The following USP42 variants were observed in gnomAD, a reference collection of about 807,000 sequenced individuals.
USP42 encodes the protein ubiquitin carboxyl-terminal hydrolase 42.
A neutral mutation model predicts 113.0 loss-of-function variants in USP42; 23 were observed. The ratio of observed to expected loss-of-function variants is 0.20; its 90% CI spans 0.15 to 0.29. The LOEUF (loss-of-function observed/expected upper bound fraction) is 0.29, where lower values mean the gene tolerates loss of function less well. Ranked by LOEUF, USP42 falls within the 10% of genes least tolerant of loss-of-function variation. USP42 has a pLI of 1.00. For missense variants in USP42, 2,174 were observed against 1,779.8 expected (o/e 1.22, Z -3.99); for synonymous variants, 933 against 699.0 (o/e 1.33, Z -5.28).
chr7:6,102,952 CAG>C (rs939256513), upstream of USP42, among the ~76,000 whole-genome samples: 1 of 150,904 alleles, frequency 6.6e-6, no homozygotes, highest in African/African-American at 2.5e-5. Flanking sequence ...AAGGCTGACT[CAG>C]GGAGGGTCAG....
intron 4 of USP42, among the ~76,000 whole-genome samples, chr7:6,138,025 A>G (rs1223972288): frequency 1.3e-5 from 2 of 152,168 alleles, no homozygotes; most frequent in African/African-American, 2.4e-5. Flanking sequence ...CATGACTAAC[A>G]TTTTTAAACC....
upstream of USP42, among the ~76,000 whole-genome samples, chr7:6,104,072 G>GTTTCT (rs753533046): frequency 1.6e-4 from 24 of 151,434 alleles, 1 homozygote; most frequent in Admixed American, 1.2e-3. Flanking sequence ...TACAGACCCT[G>GTTTCT]TTTCTTTTCT....
intron 6 of USP42, 62 bp downstream of exon 6, chr7:6,140,257 T>G: frequency 6.9e-7 from 1 of 1,450,238 alleles, no homozygotes. Flanking sequence ...ATGGTAATAG[T>G]AGGACAGGGT....
chr7:6,124,995 A>G (rs1780447414), intron 3 of USP42, among the ~76,000 whole-genome samples: 1 of 151,878 alleles, frequency 6.6e-6, no homozygotes, highest in African/African-American at 2.4e-5. Context: ...AGCCTGGCCA[A>G]TATAGCAAAA....
intron 12 of USP42, among the ~76,000 whole-genome samples, chr7:6,149,199 C>T (rs1224129829): frequency 2.0e-5 from 3 of 152,112 alleles, no homozygotes; most frequent in Admixed American, 6.5e-5. Context: ...TCCTTTGCTC[C>T]GAGGCGAGGG....
chr7:6,134,931 C>T (rs1271886785), intron 3 of USP42, among the ~76,000 whole-genome samples: 1 of 152,074 alleles, frequency 6.6e-6, no homozygotes, highest in Non-Finnish European at 1.5e-5. Flanking sequence ...AGATTACAGG[C>T]TTGTGCCACC....
intron 14 of USP42, among the ~76,000 whole-genome samples, chr7:6,151,960 G>A (rs190605190): frequency 6.6e-6 from 1 of 152,194 alleles, no homozygotes; most frequent in Non-Finnish European, 1.5e-5. Context: ...TATGTATGAG[G>A]TACATGACTG....
At chr7:6,147,033 GA>G (rs1456160821) in intron 11 of USP42, among the ~76,000 whole-genome samples, 1 of 152,130 alleles carries the variant, frequency 6.6e-6, no homozygotes, top group South Asian at 2.1e-4. Context: ...TCCATTTTTG[GA>G]AAAAATGTTT....
rs557387675 is a variant in USP42 at position 6,152,705 on chromosome 7, C to G, written c.2202-1051C>G. Among the ~76,000 whole-genome samples the G allele has an allele frequency of 4.6e-5, 7 of 152,318 alleles. No individual in the cohort carries two copies. In the South Asian group the frequency reaches 1.5e-3, roughly 32 times the overall value. On this transcript the variant is annotated intron_variant, in intron 14 of 17. Transcript: ENST00000306177. ...GAGGTAGGTGGCTGTGCAGACAAGC[C>G]CAGGCCACAGCAGCTTTCATTATTA...
chr7:6,155,156 AAAAG>A lies in USP42; in HGVS notation c.3606_3609del (p.Lys1202AsnfsTer125), dbSNP rs925827823. The A allele has an allele frequency of 6.5e-7, 1 of 1,545,408 alleles. No individual in the cohort carries two copies. Among genetic ancestry groups the A allele is most frequent in the African/African-American group, 1.4e-5 (1 of 72,132 alleles). Reference sequence around the variant, plus strand: ...AAGAAGCACAAAAAATCAAAGAAGAAAAAGAAATCCAAAGACAAACACCGAGACC... The same window carrying A: ...AAGAAGCACAAAAAATCAAAGAAGAAAAATCCAAAGACAAACACCGAGACC... On this transcript the variant is annotated frameshift_variant, in exon 15 of 18. Transcript: ENST00000306177. LOFTEE classifies it high-confidence loss of function.
At chr7:6,147,350 C>T (rs1365555598) in intron 11 of USP42, among the ~76,000 whole-genome samples, 1 of 152,142 alleles carries the variant, frequency 6.6e-6, no homozygotes, top group African/African-American at 2.4e-5. Context: ...GTGGTCCCAG[C>T]TACTCAGGAG....
chr7:6,146,749 A>G (rs549799366), intron 11 of USP42, among the ~76,000 whole-genome samples: 1 of 152,228 alleles, frequency 6.6e-6, no homozygotes, highest in East Asian at 1.9e-4. Flanking sequence ...TTTGCTCCGC[A>G]TCGCACTCTG....
At chr7:6,137,355 G>GCATT (rs1364893561) in intron 4 of USP42, among the ~76,000 whole-genome samples, 1 of 152,248 alleles carries the variant, frequency 6.6e-6, no homozygotes, top group South Asian at 2.1e-4. Context: ...ATGCATGCAT[G>GCATT]CATTCATTCA....
chr7:6,130,232 G>A (rs1416477535), intron 3 of USP42, among the ~76,000 whole-genome samples: 1 of 152,220 alleles, frequency 6.6e-6, no homozygotes, highest in African/African-American at 2.4e-5. Flanking sequence ...CACTGCTCTG[G>A]CAGAGGAAGT....
At chr7:6,085,573 G>A in the USP42 span, among the ~76,000 whole-genome samples, 27 of 146,682 alleles carry the variant, frequency 1.8e-4, 1 homozygote, top group Non-Finnish European at 3.3e-4. Context: ...CAAAATAACA[G>A]GTATTATTAC....
chr7:6,089,441 G>C, the USP42 span, among the ~76,000 whole-genome samples: 1 of 150,602 alleles, frequency 6.6e-6, no homozygotes, highest in African/African-American at 2.5e-5. Flanking sequence ...CATAAATACA[G>C]AAAATTTTAA....
chr7:6,127,555 T>C (rs1360756168), intron 3 of USP42, among the ~76,000 whole-genome samples: 1 of 152,168 alleles, frequency 6.6e-6, no homozygotes, highest in East Asian at 1.9e-4. Context: ...TGAATTGCTT[T>C]TGTATCTTTG....
At chr7:6,147,001 C>T (rs988712124) in intron 11 of USP42, among the ~76,000 whole-genome samples, 1 of 152,262 alleles carries the variant, frequency 6.6e-6, no homozygotes, top group African/African-American at 2.4e-5. Flanking sequence ...TGGCTGCATA[C>T]GCTTTTCACT....
In USP42 at chr7:6,154,511, G is replaced by A. The variant is rs1367108332; in HGVS notation, c.2957G>A (p.Arg986Gln). 2 of 1,541,428 alleles carry A rather than the reference G, an allele frequency of 1.3e-6. No homozygotes were observed. The highest frequency in any genetic ancestry group is 1.7e-6 in the Non-Finnish European group (2 of 1,143,726). The change falls in exon 15 of 18, where the codon CGG becomes CAG. Residue 986 changes from arginine (R) to glutamine (Q), a missense_variant. Arg to Gln is a conservative substitution (Grantham distance 43). Coordinates refer to ENST00000306177, the MANE Select transcript of USP42 (RefSeq NM_032172.3). ...CACCGGCGGCGCCGCACCTGCCCCC[G>A]GGAGCGCGACCGCCAGGACCGCCAC... is the stretch of plus-strand genomic sequence containing the variant. ...HRHRRRRTCP[R>Q]ERDRQDRHAP...
Sources: gnomAD v4.1 joint callset for allele counts (sites outside exome capture counted in the v4.1 genomes callset) on GRCh38, gnomAD v4.1.1 for gene constraint, MANE v1.5 for transcripts, NCBI Gene and HGNC (gene_info 2026-07-23, HGNC 2026-07-21) for gene names.